Variants in MIGA1 observed in about 807,000 individuals in gnomAD.
The protein encoded by MIGA1 is family with sequence similarity 73, member A.
Under a neutral mutation model 82.0 loss-of-function variants are expected in MIGA1, and 58 were observed. That is an observed-to-expected ratio of 0.71 (90% CI 0.57 to 0.88). The LOEUF (loss-of-function observed/expected upper bound fraction) is 0.88, where lower values mean the gene tolerates loss of function less well. Among genes scored for constraint, MIGA1 ranks in the 40% least tolerant of loss-of-function variants. The probability of loss-of-function intolerance (pLI) is 0.00; values close to 1 mark genes in which losing one functional copy is unlikely to be tolerated. For synonymous variants in MIGA1, 249 were observed against 253.6 expected, an observed-to-expected ratio of 0.98 and a Z score of 0.17; for missense variants, 751 against 749.1, an observed-to-expected ratio of 1.00 and a Z score of -0.03.
intron 14 of MIGA1, among the ~76,000 whole-genome samples, chr1:77,869,471 CG>C (rs1355462026): frequency 2.1e-5 from 3 of 140,876 alleles, no homozygotes; most frequent in South Asian, 2.5e-4. Context: ...ACCTCCCAGA[CG>C]GGGTCGTGGC....
chr1:77,859,769 G>C (rs544982659), intron 10 of MIGA1: 33 of 398,492 alleles, frequency 8.3e-5, no homozygotes, highest in African/African-American at 1.2e-4. Context: ...GTTTTCTTAT[G>C]TTTTGGGGCT....
At chr1:77,790,022 T>C (rs2101705380) in intron 2 of MIGA1, among the ~76,000 whole-genome samples, 1 of 152,340 alleles carries the variant, frequency 6.6e-6, no homozygotes, top group South Asian at 2.1e-4. Flanking sequence ...GAAATAATTA[T>C]AGATTCATAG....
chr1:77,803,195 A>G, intron 3 of MIGA1, 75 bp from the exon 4 acceptor site: 1 of 978,080 alleles, frequency 1.0e-6, no homozygotes, highest in Non-Finnish European at 1.4e-6. Flanking sequence ...AATATATTAT[A>G]AACTCTGAAA....
In MIGA1 at chr1:77,877,531, G is replaced by A. The variant is rs747592177; in HGVS notation, c.*2467G>A. ...ATATTACATGTTTTTACCTTGTTGC[G>A]GTATCTTTGGCCTTCACACACACAT... On this transcript the variant is annotated 3_prime_UTR_variant, in exon 16 of 16. Transcript: ENST00000370791. The A allele has an allele frequency of 6.6e-6, 1 of 152,312 alleles. No homozygotes were observed. The highest frequency in any genetic ancestry group is 1.5e-5 in the Non-Finnish European group (1 of 68,006). The allele number at this position is 152,312 out of a possible 1,614,324, so 9.4% of individuals were successfully genotyped here.
intron 7 of MIGA1, among the ~76,000 whole-genome samples, chr1:77,840,174 G>T (rs72685317): frequency 0.17 from 25,295 of 152,082 alleles, 3,741 homozygotes; most frequent in African/African-American, 0.4. Context: ...ATTTCTCTTT[G>T]TAATCATTTA....
At chr1:77,866,309 A>T (rs773470120) in intron 13 of MIGA1, 29 bp from the exon 14 acceptor site, 2 of 1,608,792 alleles carry the variant, frequency 1.2e-6, no homozygotes, top group Non-Finnish European at 1.7e-6. Context: ...AGCTATATAT[A>T]AATCTTTCTT....
intron 2 of MIGA1, among the ~76,000 whole-genome samples, chr1:77,791,382 G>A (rs1424252948): frequency 6.6e-6 from 1 of 151,254 alleles, no homozygotes; most frequent in Non-Finnish European, 1.5e-5. Context: ...TTACCAGTTT[G>A]TTCCTTTTTA....
At chr1:77,838,659 G>C (rs1447331115) in intron 7 of MIGA1, among the ~76,000 whole-genome samples, 2 of 152,116 alleles carry the variant, frequency 1.3e-5, no homozygotes, top group Non-Finnish European at 2.9e-5. Context: ...TGTTGGCCAG[G>C]CTGATCTCGA....
intron 2 of MIGA1, among the ~76,000 whole-genome samples, chr1:77,800,536 A>G (rs1026710762): frequency 6.6e-6 from 1 of 152,142 alleles, no homozygotes; most frequent in African/African-American, 2.4e-5. Flanking sequence ...CTTTAGCTTT[A>G]TTTTAGAGTT....
chr1:77,779,690 G>A lies in MIGA1; in HGVS notation c.35G>A (p.Trp12Ter). 1 of 1,590,664 alleles carries A rather than the reference G, an allele frequency of 6.3e-7. No homozygotes were observed. Residue 12 changes from tryptophan (W) to a stop codon, truncating the protein, a stop_gained, in exon 1 of 16, where the codon TGG becomes TAG. It introduces an in-frame stop codon into an upstream open reading frame of the 5' UTR. Transcript: ENST00000370791. LOFTEE classifies it high-confidence loss of function. ...TGCTGCTCAGCGCCAGGCATCAGCT[G>A]GGAAGCTGGCGTGGGCAGGCCAGCT...
intron 7 of MIGA1, among the ~76,000 whole-genome samples, chr1:77,825,419 GT>G (rs1683992897): frequency 6.6e-6 from 1 of 152,172 alleles, no homozygotes; most frequent in African/African-American, 2.4e-5. Context: ...TTATAAGACC[GT>G]TTAGTGCTGA....
chr1:77,779,660 C>G lies in MIGA1; in HGVS notation c.5C>G (p.Ser2Ter), dbSNP rs769566255. 7.0e-6 allele frequency: 11 copies of G among 1,580,900 alleles called. 1 individual carries two copies. Among genetic ancestry groups the G allele is most frequent in the Middle Eastern group, 3.3e-4 (2 of 6,042 alleles). Residue 2 changes from serine (S) to a stop codon, truncating the protein, a stop_gained, in exon 1 of 16, where the codon TCA becomes TGA. The change creates a premature stop within an existing upstream ORF in the 5' untranslated region. Transcript: ENST00000370791. LOFTEE classifies it high-confidence loss of function. ...CGGAAGGACTCCGCCTTCTCCATGTCAGACTGCTGCTCAGCGCCAGGCATC... is the reference window on the plus strand; with the variant it reads ...CGGAAGGACTCCGCCTTCTCCATGTGAGACTGCTGCTCAGCGCCAGGCATC...
At chr1:77,797,145 GAGT>G (rs1682690217) in intron 2 of MIGA1, among the ~76,000 whole-genome samples, 1 of 152,124 alleles carries the variant, frequency 6.6e-6, no homozygotes, top group African/African-American at 2.4e-5. Context: ...TTTTGTTGAT[GAGT>G]AACATTCCAT....
intron 8 of MIGA1, among the ~76,000 whole-genome samples, chr1:77,854,333 G>A (rs1024362065): frequency 2.0e-5 from 3 of 152,124 alleles, no homozygotes; most frequent in African/African-American, 7.2e-5. Flanking sequence ...TCACAATTTT[G>A]CTATTGTGAA....
At chr1:77,832,956 C>T (rs1684295769) in intron 7 of MIGA1, among the ~76,000 whole-genome samples, 1 of 152,192 alleles carries the variant, frequency 6.6e-6, no homozygotes, top group Non-Finnish European at 1.5e-5. Context: ...CAGCTTAGTA[C>T]TGACTGCACA....
intron 7 of MIGA1, among the ~76,000 whole-genome samples, chr1:77,827,700 C>T (rs905981424): frequency 6.6e-6 from 1 of 152,136 alleles, no homozygotes; most frequent in African/African-American, 2.4e-5. Flanking sequence ...AACTAGTACA[C>T]ACCAAGAACT....
At chr1:77,848,521 A>T in intron 8 of MIGA1, 1 of 1,244,876 alleles carries the variant, frequency 8.0e-7, no homozygotes, top group Non-Finnish European at 1.1e-6. Flanking sequence ...GGCAAAGAAT[A>T]AATTTCTTGA....
Position 77,859,025 on chromosome 1 carries a change from G to A in MIGA1, c.1084G>A (p.Glu362Lys). 1 of 1,613,070 alleles carries A rather than the reference G, an allele frequency of 6.2e-7. No homozygotes were observed. Among genetic ancestry groups the A allele is most frequent in the South Asian group, 1.1e-5 (1 of 91,042 alleles). Residue 362 changes from glutamate (E) to lysine (K), a missense_variant, in exon 9 of 16, where the codon GAA (glutamate) becomes AAA (lysine). This residue lies in a region of MIGA1 where 482 missense variants were observed against 439.4 expected (regional missense o/e 1.10). Coordinates refer to ENST00000370791, the MANE Select transcript of MIGA1 (RefSeq NM_198549.4). ...TTACGAGGAAGCCATGCATTTAGTTGAAGAAGGAAAAATTTACTCCAGAGT... is the reference window on the plus strand; with the variant it reads ...TTACGAGGAAGCCATGCATTTAGTTAAAGAAGGAAAAATTTACTCCAGAGT...
At chr1:77,844,131 T>TAG (rs1553223145) in intron 8 of MIGA1, among the ~76,000 whole-genome samples, 42 of 108,064 alleles carry the variant, frequency 3.9e-4, no homozygotes, top group Middle Eastern at 4.2e-3. Context: ...TATATATATA[T>TAG]ATATATAGAT....
Sources: gnomAD v4.1 joint callset for allele counts (sites outside exome capture counted in the v4.1 genomes callset) on GRCh38, gnomAD v4.1.1 for gene constraint, gnomAD v4.1.1 regional missense constraint, MANE v1.5 for transcripts, NCBI Gene and HGNC (gene_info 2026-07-23, HGNC 2026-07-21) for gene names.